CHCHD3: variants seen among roughly 807,000 people sequenced by gnomAD.
CHCHD3 encodes the protein MICOS complex subunit MIC19.
CHCHD3 carries 20 observed loss-of-function variants against 38.2 expected under a neutral mutation model. The ratio of observed to expected loss-of-function variants is 0.52; its 90% CI spans 0.37 to 0.76. CHCHD3 has a LOEUF of 0.76. Ranked by LOEUF, CHCHD3 falls within the 30% of genes least tolerant of loss-of-function variation. The pLI is 0.00. For synonymous variants in CHCHD3, 82 were observed against 100.0 expected, an observed-to-expected ratio of 0.82 and a Z score of 1.07; for missense variants, 245 against 279.2, an observed-to-expected ratio of 0.88 and a Z score of 0.87.
At position 132,789,605 on chromosome 7, in the gene CHCHD3, G is replaced by T. The variant is rs77262263; in HGVS notation, c.661-3945C>A. ...CTGATTTTTGAATCACAGCTTTCTT[G>T]GAGGGGTTGACTATCATAGCAGCAT... On this transcript the variant is annotated intron_variant, in intron 7 of 7. Transcript: ENST00000262570. Among the ~76,000 whole-genome samples the T allele has an allele frequency of 3.1e-3, 474 of 152,282 alleles. 3 individuals carry two copies. The highest frequency in any genetic ancestry group is 0.011 in the African/African-American group (444 of 41,556).
intron 4 of CHCHD3, among the ~76,000 whole-genome samples, chr7:132,914,880 G>A (rs1331819750): frequency 6.6e-6 from 1 of 152,196 alleles, no homozygotes; most frequent in Non-Finnish European, 1.5e-5. Context: ...TCAACAAAGA[G>A]GCTAGGCGTG....
chr7:132,966,314 T>C (rs1811462748), intron 4 of CHCHD3, among the ~76,000 whole-genome samples: 1 of 152,192 alleles, frequency 6.6e-6, no homozygotes, highest in Non-Finnish European at 1.5e-5. Flanking sequence ...CCAATGTCTT[T>C]ATGGGTAAGG....
intron 2 of CHCHD3, among the ~76,000 whole-genome samples, chr7:133,041,588 T>C (rs1301858330): frequency 1.3e-5 from 2 of 152,250 alleles, no homozygotes; most frequent in Non-Finnish European, 2.9e-5. Flanking sequence ...TTTCTTCCCA[T>C]GTACCATTCT....
intron 7 of CHCHD3, among the ~76,000 whole-genome samples, chr7:132,795,641 A>C (rs965942439): frequency 6.6e-6 from 1 of 152,220 alleles, no homozygotes; most frequent in Non-Finnish European, 1.5e-5. Context: ...TAACTTAAAC[A>C]CTAGATTTAG....
intron 4 of CHCHD3, chr7:132,973,194 T>C (rs762571569): frequency 1.5e-4 from 146 of 985,204 alleles, no homozygotes; most frequent in Non-Finnish European, 1.7e-4. Context: ...GCTTCAAAGA[T>C]AAGATTCAAA....
rs761026514 is a variant in CHCHD3, at chr7:133,012,124, C to CTAAGGCAAACTATG, written c.251+12408_251+12421dup. ...TCAGTAGTTTGAGGAGAGAGCTTTTCTAAGGCAAACTATGTAAGGCAAACC... is the reference window on the plus strand; with the variant it reads ...TCAGTAGTTTGAGGAGAGAGCTTTTCTAAGGCAAACTATGTAAGGCAAACTATGTAAGGCAAACC... On this transcript the variant is annotated intron_variant, in intron 3 of 7. Coordinates refer to ENST00000262570, the MANE Select transcript of CHCHD3 (RefSeq NM_017812.4). Among the ~76,000 whole-genome samples, 150 of 152,274 alleles carry CTAAGGCAAACTATG rather than the reference C, an allele frequency of 9.9e-4. 2 individuals carry two copies. The highest frequency in any genetic ancestry group is 3.9e-3 in the Admixed American group (60 of 15,300).
intron 2 of CHCHD3, among the ~76,000 whole-genome samples, chr7:133,039,597 T>C (rs922440918): frequency 1.3e-5 from 2 of 152,224 alleles, no homozygotes; most frequent in Non-Finnish European, 2.9e-5. Context: ...GTTGCCAACA[T>C]TTTCCGCACT....
intron 4 of CHCHD3, among the ~76,000 whole-genome samples, chr7:132,970,343 C>T (rs1393007447): frequency 6.6e-6 from 1 of 152,196 alleles, no homozygotes; most frequent in African/African-American, 2.4e-5. Context: ...ATTTCCAGGG[C>T]TTCAGTAGAT....
At chr7:133,070,347 A>T in intron 1 of CHCHD3, 118 bp from the exon 2 acceptor site, 1 of 720,360 alleles carries the variant, frequency 1.4e-6, no homozygotes, top group Non-Finnish European at 2.3e-6. Context: ...GCCCTAAAGA[A>T]ATTAGGTTAA....
chr7:132,941,569 C>T (rs754482031), intron 4 of CHCHD3, among the ~76,000 whole-genome samples: 16 of 152,296 alleles, frequency 1.1e-4, no homozygotes, highest in Admixed American at 3.3e-4. Flanking sequence ...AAACCCTCCA[C>T]GTTTACCACT....
At chr7:133,031,472 T>C (rs768291434) in intron 2 of CHCHD3, among the ~76,000 whole-genome samples, 1 of 151,990 alleles carries the variant, frequency 6.6e-6, no homozygotes, top group Non-Finnish European at 1.5e-5. Context: ...TTTGTAACTT[T>C]TCCCACTTGT....
intron 3 of CHCHD3, among the ~76,000 whole-genome samples, chr7:133,010,477 C>T (rs1812835612): frequency 6.6e-6 from 1 of 152,182 alleles, no homozygotes; most frequent in East Asian, 1.9e-4. Flanking sequence ...AATTCTATCC[C>T]ATTTTAATGT....
intron 3 of CHCHD3, among the ~76,000 whole-genome samples, chr7:132,999,284 C>T (rs1812503558): frequency 6.6e-6 from 1 of 152,172 alleles, no homozygotes; most frequent in Admixed American, 6.5e-5. Context: ...TGTAACATCT[C>T]CAAACCATTG....
intron 2 of CHCHD3, among the ~76,000 whole-genome samples, chr7:133,043,645 C>CAAAA (rs765611377): frequency 2.0e-5 from 2 of 99,130 alleles, no homozygotes; most frequent in Non-Finnish European, 2.1e-5. Context: ...GACTCCATCT[C>CAAAA]AAAAAAAAAA....
At chr7:132,936,535 T>A (rs575446193) in intron 4 of CHCHD3, among the ~76,000 whole-genome samples, 123 of 152,338 alleles carry the variant, frequency 8.1e-4, no homozygotes, top group African/African-American at 2.8e-3. Context: ...CAACTTGCTC[T>A]TCTTTTAAAC....
chr7:132,889,729 G>T (rs1279275405), intron 4 of CHCHD3, among the ~76,000 whole-genome samples: 1 of 152,180 alleles, frequency 6.6e-6, no homozygotes, highest in African/African-American at 2.4e-5. Context: ...CTTTGAAACA[G>T]TTAATATGAT....
chr7:133,016,444 G>A lies in CHCHD3; in HGVS notation c.251+8102C>T, dbSNP rs116970731. Reference sequence around the variant, plus strand: ...GTGAGGAAAGTTTTCAAAGACAAATGACAACTGCTTCTGAATAAGAATGGG... The same window carrying A: ...GTGAGGAAAGTTTTCAAAGACAAATAACAACTGCTTCTGAATAAGAATGGG... On this transcript the variant is annotated intron_variant, in intron 3 of 7. Coordinates refer to ENST00000262570, the MANE Select transcript of CHCHD3 (RefSeq NM_017812.4). Among the ~76,000 whole-genome samples, 453 of 152,280 alleles carry A rather than the reference G, an allele frequency of 3.0e-3. 1 individual carries two copies. The highest frequency in any genetic ancestry group is 4.5e-3 in the Non-Finnish European group (306 of 68,024).
At chr7:132,860,589 G>C (rs1384769245) in intron 5 of CHCHD3, among the ~76,000 whole-genome samples, 3 of 151,974 alleles carry the variant, frequency 2.0e-5, no homozygotes, top group African/African-American at 7.3e-5. Context: ...CTATGGAAAA[G>C]CATGGACGGT....
chr7:132,933,155 C>G (rs1443388133), intron 4 of CHCHD3, among the ~76,000 whole-genome samples: 2 of 152,200 alleles, frequency 1.3e-5, no homozygotes. Flanking sequence ...TTAAACAGAA[C>G]AGTTATTTTG....
Sources: allele counts gnomAD v4.1 joint callset (sites outside exome capture counted in the v4.1 genomes callset), GRCh38; gene constraint gnomAD v4.1.1; transcripts MANE v1.5; gene names NCBI Gene and HGNC (gene_info 2026-07-23, HGNC 2026-07-21).